The following FBXW7 variants were observed in gnomAD, a reference collection of about 807,000 sequenced individuals.
The protein encoded by FBXW7 is F-box/WD repeat-containing protein 7.
Under a neutral mutation model 86.3 loss-of-function variants are expected in FBXW7, and 11 were observed. The ratio of observed to expected loss-of-function variants is 0.13; its 90% confidence interval spans 0.08 to 0.21. The LOEUF is 0.21. Among genes scored for constraint, FBXW7 ranks in the 10% least tolerant of loss-of-function variants. The pLI is 1.00. For missense variants in FBXW7, 488 were observed against 847.4 expected (o/e 0.58, Z 5.27); for synonymous variants, 313 against 297.9 (o/e 1.05, Z -0.52).
intron 2 of FBXW7, among the ~76,000 whole-genome samples, chr4:152,432,700 T>C (rs1006933592): frequency 2.4e-4 from 36 of 152,192 alleles, no homozygotes; most frequent in African/African-American, 8.7e-4. Flanking sequence ...CAGTCCCAGC[T>C]ACTAAAGAGG....
intron 4 of FBXW7, among the ~76,000 whole-genome samples, chr4:152,391,645 A>T (rs1240366097): frequency 6.6e-6 from 1 of 152,126 alleles, no homozygotes; most frequent in East Asian, 1.9e-4. Context: ...GGAAGAGATT[A>T]AACACTGACA....
Position 152,530,051 on chromosome 4 carries a change from G to A in FBXW7, c.-120+4890C>T, listed in dbSNP as rs200317314. On this transcript the variant is annotated intron_variant, in intron 2 of 13. Transcript: ENST00000281708. Reference sequence around the variant, plus strand: ...AGCCTGGGTGACAGAATGAGACCCCGTCACAAAAAAAAAAAAAATACACAC... The same window carrying A: ...AGCCTGGGTGACAGAATGAGACCCCATCACAAAAAAAAAAAAAATACACAC... 1.3e-4 allele frequency among the ~76,000 whole-genome samples: 15 copies of A among 115,428 alleles called. No individual in the cohort carries two copies. In the East Asian group the frequency reaches 1.9e-3, roughly 15 times the overall value. The allele number at this position is 115,428 out of a possible 152,430, so 75.7% of individuals were successfully genotyped here. A position where few individuals can be genotyped will look rare whatever the true frequency, so the allele number is the denominator to read the frequency against.
intron 2 of FBXW7, among the ~76,000 whole-genome samples, chr4:152,425,593 AAAATT>A (rs1739310292): frequency 6.6e-6 from 1 of 152,176 alleles, no homozygotes; most frequent in Non-Finnish European, 1.5e-5. Context: ...AGATAAAACA[AAAATT>A]AAAAGAGTAG....
Position 152,326,075 on chromosome 4 carries a change from C to T in FBXW7, c.1575G>A (p.Val525=). Residue 525 remains valine, a synonymous_variant, in exon 12 of 14, where the codon GTG becomes GTA. Transcript: ENST00000281708. ...VSGAYDFMVK[V]WDPETETCLH... is the part of the protein sequence containing the mutation. ...GACAGGTTTCAGTCTCTGGATCCCA[C>T]ACCTTTACCATAAAATCATATGCTC... is the stretch of plus-strand genomic sequence containing the variant. The T allele has an allele frequency of 6.2e-7, 1 of 1,613,338 alleles. No homozygotes were observed. The highest frequency in any genetic ancestry group is 8.5e-7 in the Non-Finnish European group (1 of 1,179,514).
At chr4:152,465,550 A>G (rs1306204172) in intron 2 of FBXW7, among the ~76,000 whole-genome samples, 7 of 152,174 alleles carry the variant, frequency 4.6e-5, no homozygotes, top group Non-Finnish European at 1.5e-5. Flanking sequence ...GTATAGAACA[A>G]TATTACCCAT....
At chr4:152,518,898 TAAAC>T (rs1381224689) in intron 2 of FBXW7, among the ~76,000 whole-genome samples, 1 of 152,112 alleles carries the variant, frequency 6.6e-6, no homozygotes, top group African/African-American at 2.4e-5. Flanking sequence ...TATCTATAAA[TAAAC>T]TCACTGGGTA....
chr4:152,332,392 G>A (rs1441850250), intron 8 of FBXW7, among the ~76,000 whole-genome samples: 2 of 152,098 alleles, frequency 1.3e-5, no homozygotes, highest in Non-Finnish European at 2.9e-5. Flanking sequence ...ACTAGTGATA[G>A]GAAGCAAATC....
intron 2 of FBXW7, among the ~76,000 whole-genome samples, chr4:152,490,253 G>A (rs1031092041): frequency 6.6e-6 from 1 of 152,060 alleles, no homozygotes; most frequent in Non-Finnish European, 1.5e-5. Flanking sequence ...GACAGAGATG[G>A]ATGGTTGCAA....
At position 152,330,742 on chromosome 4, in the gene FBXW7, T is replaced by G. The variant is rs761747465; in HGVS notation, c.1112A>C (p.Lys371Thr). 6.2e-7 allele frequency: 1 copy of G among 1,612,076 alleles called. No individual in the cohort carries two copies. The highest frequency in any genetic ancestry group is 8.5e-7 in the Non-Finnish European group (1 of 1,178,664). Reference sequence around the variant, plus strand: ...GCAGAGTTCAGTTACCTTAGGAGATTTGAGTTCTCCTCGCCTCCAGTTAGT... The same window carrying G: ...GCAGAGTTCAGTTACCTTAGGAGATGTGAGTTCTCCTCGCCTCCAGTTAGT... ...IDTNWRRGEL[K>T]SPKVLKGHDD... Residue 371 changes from lysine to threonine, a missense_variant, in exon 9 of 14, where the codon AAA becomes ACA. Physicochemically the swap from Lys to Thr is moderately conservative, Grantham distance 78 (BLOSUM62 -1). Transcript: ENST00000281708.
intron 8 of FBXW7, 30 bp from the exon 9 acceptor site, chr4:152,330,898 C>A (rs2126537235): frequency 6.2e-7 from 1 of 1,602,000 alleles, no homozygotes; most frequent in Non-Finnish European, 8.5e-7. Flanking sequence ...GAGTAAATTG[C>A]CTTCACCAAT....
chr4:152,355,136 T>C (rs945725296), intron 4 of FBXW7, among the ~76,000 whole-genome samples: 7 of 152,116 alleles, frequency 4.6e-5, no homozygotes, highest in African/African-American at 1.2e-4. Flanking sequence ...GTACTATCAA[T>C]GAAAACTGTG....
chr4:152,514,248 G>C (rs980651432), intron 2 of FBXW7, among the ~76,000 whole-genome samples: 2 of 152,036 alleles, frequency 1.3e-5, no homozygotes, highest in Admixed American at 1.3e-4. Flanking sequence ...GTCTTCCCTT[G>C]GGGTTCCCTT....
At chr4:152,459,164 A>G (rs1182375426) in intron 2 of FBXW7, among the ~76,000 whole-genome samples, 1 of 152,218 alleles carries the variant, frequency 6.6e-6, no homozygotes, top group Non-Finnish European at 1.5e-5. Context: ...GGTTCAGACT[A>G]TAACTGCAGC....
At chr4:152,519,299 A>AAAAT (rs372626356) in intron 2 of FBXW7, among the ~76,000 whole-genome samples, 1,826 of 152,052 alleles carry the variant, frequency 0.012, 22 homozygotes, top group East Asian at 0.038. Context: ...CTCTGTCTCA[A>AAAAT]AAATAAATAA....
chr4:152,348,766 C>A (rs772152922), intron 5 of FBXW7: 6 of 937,892 alleles, frequency 6.4e-6, no homozygotes, highest in Admixed American at 3.0e-5. Flanking sequence ...AATTTCTCAT[C>A]CAAGAAATAC....
intron 4 of FBXW7, among the ~76,000 whole-genome samples, chr4:152,382,780 T>G (rs1046335759): frequency 2.6e-5 from 4 of 152,220 alleles, no homozygotes; most frequent in African/African-American, 9.6e-5. Flanking sequence ...GAGTATCTAT[T>G]AAGTCTTCCT....
intron 2 of FBXW7, among the ~76,000 whole-genome samples, chr4:152,487,136 G>A (rs562123107): frequency 7.9e-5 from 12 of 152,126 alleles, no homozygotes; most frequent in Non-Finnish European, 1.8e-4. Flanking sequence ...AATAATAGAT[G>A]TAGAAAATCA....
In FBXW7 at chr4:152,321,262, A is replaced by C; in HGVS notation, c.*1619T>G. On this transcript the variant is annotated 3_prime_UTR_variant, in exon 14 of 14. Transcript: ENST00000281708. Reference sequence around the variant, plus strand: ...CAGTGGAAGAAACAGGCATACTAACATGAAAAAACACATTTTATTGCACTT... The same window carrying C: ...CAGTGGAAGAAACAGGCATACTAACCTGAAAAAACACATTTTATTGCACTT... 1 of 231,612 alleles carries C rather than the reference A, an allele frequency of 4.3e-6. No individual in the cohort carries two copies. Among genetic ancestry groups the C allele is most frequent in the Non-Finnish European group, 8.6e-6 (1 of 116,816 alleles). 14.3% of individuals were successfully genotyped at this position (231,612 alleles called of 1,614,324 possible).
chr4:152,438,030 C>T (rs931148324), intron 2 of FBXW7, among the ~76,000 whole-genome samples: 34 of 151,770 alleles, frequency 2.2e-4, no homozygotes, highest in Admixed American at 5.9e-4. Context: ...TAAAATTAGC[C>T]GGGTGTGGTG....
Sources: allele counts gnomAD v4.1 joint callset (sites outside exome capture counted in the v4.1 genomes callset), GRCh38; gene constraint gnomAD v4.1.1; transcripts MANE v1.5; gene names NCBI Gene and HGNC (gene_info 2026-07-23, HGNC 2026-07-21).